Variants in DOCK3 observed in about 807,000 individuals in gnomAD.
The protein encoded by DOCK3 is dedicator of cytokinesis 3.
A neutral mutation model predicts 265.6 loss-of-function variants in DOCK3; 60 were observed. The observed-to-expected ratio is 0.23, with a 90% CI of 0.18 to 0.28. The LOEUF (loss-of-function observed/expected upper bound fraction) is 0.28, where lower values mean the gene tolerates loss of function less well. DOCK3 is among the 10% of genes least tolerant of loss of function. DOCK3 has a pLI of 1.00. For synonymous variants in DOCK3, 881 were observed against 938.0 expected, an observed-to-expected ratio of 0.94 and a Z score of 1.11; for missense variants, 1,981 against 2,594.3, an observed-to-expected ratio of 0.76 and a Z score of 5.14.
chr3:51,267,270 A>G (rs2080235878), intron 23 of DOCK3, among the ~76,000 whole-genome samples: 1 of 152,210 alleles, frequency 6.6e-6, no homozygotes, highest in Admixed American at 6.5e-5. Flanking sequence ...TGATTCCTCA[A>G]GGATCTAGAA....
chr3:50,830,927 G>A (rs1001205923), intron 2 of DOCK3, among the ~76,000 whole-genome samples: 1 of 152,022 alleles, frequency 6.6e-6, no homozygotes, highest in African/African-American at 2.4e-5. Context: ...GCTAAACAAG[G>A]GGTAGATTAT....
At chr3:51,046,070 C>G (rs575658545) in intron 5 of DOCK3, among the ~76,000 whole-genome samples, 1 of 151,096 alleles carries the variant, frequency 6.6e-6, no homozygotes, top group Admixed American at 6.6e-5. Context: ...CTAATGGTAA[C>G]CACAAAGAAA....
chr3:51,078,412 A>G (rs1204225214), intron 7 of DOCK3, among the ~76,000 whole-genome samples: 3 of 152,174 alleles, frequency 2.0e-5, no homozygotes, highest in Admixed American at 1.3e-4. Flanking sequence ...ACAAAGAAAG[A>G]AAATTACTGA....
At chr3:50,994,596 A>T (rs950094764) in intron 5 of DOCK3, among the ~76,000 whole-genome samples, 1 of 152,238 alleles carries the variant, frequency 6.6e-6, no homozygotes, top group South Asian at 2.1e-4. Flanking sequence ...AAAAATGGGG[A>T]TGAAAGTGGG....
intron 2 of DOCK3, among the ~76,000 whole-genome samples, chr3:50,790,554 C>G (rs1444603471): frequency 3.4e-5 from 5 of 148,694 alleles, no homozygotes; most frequent in African/African-American, 1.2e-4. Context: ...CTGAAAAAGA[C>G]TATCTTTCCT....
At chr3:51,350,148 G>A in intron 39 of DOCK3, 140 bp from the exon 40 acceptor site, 1 of 694,394 alleles carries the variant, frequency 1.4e-6, no homozygotes, top group South Asian at 2.0e-5. Context: ...GGCTGGTCAT[G>A]TCTAGAGGCT....
intron 23 of DOCK3, among the ~76,000 whole-genome samples, chr3:51,264,109 C>T (rs981234139): frequency 1.1e-4 from 16 of 152,218 alleles, no homozygotes; most frequent in Non-Finnish European, 1.6e-4. Context: ...ACAGAATATA[C>T]ATTCTTCTCA....
chr3:51,176,852 T>G (rs1048946974), intron 12 of DOCK3, among the ~76,000 whole-genome samples: 9 of 152,198 alleles, frequency 5.9e-5, no homozygotes, highest in Non-Finnish European at 1.2e-4. Context: ...ACTCAAATAA[T>G]GGGCATGCTG....
intron 2 of DOCK3, among the ~76,000 whole-genome samples, chr3:50,790,987 T>C (rs551627963): frequency 5.3e-5 from 8 of 152,252 alleles, no homozygotes; most frequent in Non-Finnish European, 8.8e-5. Flanking sequence ...TAAATTTGTT[T>C]AAGTTCCTTG....
chr3:50,973,236 C>T (rs1415136894), intron 5 of DOCK3, among the ~76,000 whole-genome samples: 1 of 150,480 alleles, frequency 6.6e-6, no homozygotes, highest in Non-Finnish European at 1.5e-5. Flanking sequence ...GCGCTGCACC[C>T]ACTAACTCGT....
chr3:50,793,461 T>C (rs1333300950), intron 2 of DOCK3, among the ~76,000 whole-genome samples: 2 of 151,474 alleles, frequency 1.3e-5, no homozygotes, highest in Admixed American at 1.3e-4. Context: ...TGGCTTCAAG[T>C]GATTCTCCTG....
chr3:51,210,894 A>G (rs1004815479), intron 13 of DOCK3, among the ~76,000 whole-genome samples: 1 of 152,338 alleles, frequency 6.6e-6, no homozygotes, highest in Non-Finnish European at 1.5e-5. Flanking sequence ...GAGTAAATGT[A>G]TCATCCAGCA....
intron 27 of DOCK3, among the ~76,000 whole-genome samples, chr3:51,309,484 T>C (rs2082928424): frequency 6.6e-6 from 1 of 152,090 alleles, no homozygotes; most frequent in South Asian, 2.1e-4. Flanking sequence ...CTCGGCAGGC[T>C]GAGGCAGGAG....
At chr3:50,826,037 T>C (rs1424723250) in intron 2 of DOCK3, among the ~76,000 whole-genome samples, 1 of 152,084 alleles carries the variant, frequency 6.6e-6, no homozygotes, top group African/African-American at 2.4e-5. Context: ...AGCAGTGGTC[T>C]TTGTTCTGAT....
intron 5 of DOCK3, among the ~76,000 whole-genome samples, chr3:50,988,317 C>T (rs557541006): frequency 3.2e-4 from 49 of 152,254 alleles, no homozygotes; most frequent in South Asian, 1.2e-3. Context: ...CTCACTGTGT[C>T]GTAGCTCCCA....
intron 5 of DOCK3, among the ~76,000 whole-genome samples, chr3:50,949,036 T>C (rs1366006916): frequency 6.6e-6 from 1 of 152,140 alleles, no homozygotes; most frequent in Non-Finnish European, 1.5e-5. Flanking sequence ...TGAATATTCA[T>C]ATGGAGGAAA....
At chr3:51,160,831 C>A in intron 12 of DOCK3, 129 bp downstream of exon 12, 1 of 1,145,198 alleles carries the variant, frequency 8.7e-7, no homozygotes, top group Non-Finnish European at 1.2e-6. Context: ...ATTCCCAACA[C>A]TTTGGGAGGC....
intron 27 of DOCK3, among the ~76,000 whole-genome samples, chr3:51,280,976 C>T (rs980097676): frequency 3.9e-5 from 6 of 152,138 alleles, no homozygotes; most frequent in African/African-American, 1.2e-4. Context: ...CTATTTTCCT[C>T]TTTCTATGGA....
chr3:50,685,768 G>C, intron 1 of DOCK3: 1 of 215,858 alleles, frequency 4.6e-6, no homozygotes. Context: ...ACAGCTCAAA[G>C]GAGACGTGGC....
Sources: allele counts gnomAD v4.1 joint callset (sites outside exome capture counted in the v4.1 genomes callset), GRCh38; gene constraint gnomAD v4.1.1; transcripts MANE v1.5; gene names NCBI Gene and HGNC (gene_info 2026-07-23, HGNC 2026-07-21).